The following LRRC63 variants were observed in gnomAD, a reference collection of about 807,000 sequenced individuals.
The protein encoded by LRRC63 is leucine-rich repeat-containing protein 63.
In LRRC63, 40 loss-of-function variants were observed where a neutral mutation model predicts 49.5. The ratio of observed to expected loss-of-function variants is 0.81; its 90% confidence interval spans 0.63 to 1.05. The LOEUF is 1.05. Among genes scored for constraint, LRRC63 ranks in the 50% least tolerant of loss-of-function variants. The pLI is 0.00. For missense variants in LRRC63, 636 were observed against 663.1 expected, an observed-to-expected ratio of 0.96 and a Z score of 0.45; for synonymous variants, 191 against 221.1, an observed-to-expected ratio of 0.86 and a Z score of 1.21.
intron 2 of LRRC63, among the ~76,000 whole-genome samples, chr13:46,217,050 G>A (rs1320824723): frequency 6.6e-6 from 1 of 152,166 alleles, no homozygotes; most frequent in Non-Finnish European, 1.5e-5. Flanking sequence ...GTTCATCAGG[G>A]ATATTGGCCT....
At chr13:46,251,585 C>A (rs532105551) in intron 7 of LRRC63, among the ~76,000 whole-genome samples, 55 of 151,956 alleles carry the variant, frequency 3.6e-4, no homozygotes, top group African/African-American at 1.3e-3. Flanking sequence ...GTATCCTCAT[C>A]ACCATTAGGT....
rs575248502 is a variant in LRRC63 at position 46,244,273 on chromosome 13, C to A, written c.991-2254C>A. On this transcript the variant is annotated intron_variant, in intron 5 of 9. Transcript: ENST00000595396. The stretch of plus-strand genomic sequence containing the variant: ...TGTAAGGTTCTTTTTTTTTCTTACC[C>A]TTTTCTATGGTGCTGATATTGTAAG... Among the ~76,000 whole-genome samples the A allele has an allele frequency of 8.4e-4, 128 of 151,894 alleles. 1 individual carries two copies. The highest frequency in any genetic ancestry group is 3.4e-3 in the Middle Eastern group (1 of 294).
intron 5 of LRRC63, among the ~76,000 whole-genome samples, chr13:46,241,205 A>G (rs1415463941): frequency 1.3e-5 from 2 of 152,242 alleles, no homozygotes; most frequent in Non-Finnish European, 2.9e-5. Context: ...CAAAGCTGAC[A>G]AAAACAAGCA....
chr13:46,261,485 C>T (rs2047613026), intron 7 of LRRC63, among the ~76,000 whole-genome samples: 1 of 152,186 alleles, frequency 6.6e-6, no homozygotes, highest in Admixed American at 6.5e-5. Flanking sequence ...GGGGGAGAAG[C>T]AAGGGACAGT....
chr13:46,217,983 C>T (rs1221795115), intron 2 of LRRC63, among the ~76,000 whole-genome samples: 1 of 151,944 alleles, frequency 6.6e-6, no homozygotes, highest in Non-Finnish European at 1.5e-5. Context: ...TTGTGATTTC[C>T]GTTATTTTGC....
intron 7 of LRRC63, among the ~76,000 whole-genome samples, chr13:46,251,739 A>G (rs2047389350): frequency 1.3e-5 from 2 of 151,890 alleles, no homozygotes; most frequent in African/African-American, 4.8e-5. Flanking sequence ...AGAACTATAT[A>G]TGTATAAATA....
chr13:46,238,108 C>T (rs893401427), intron 5 of LRRC63, among the ~76,000 whole-genome samples: 6 of 152,106 alleles, frequency 3.9e-5, no homozygotes, highest in Non-Finnish European at 7.4e-5. Flanking sequence ...ACATAACTAT[C>T]CTAAATATAT....
chr13:46,273,405 A>G (rs2047786092), intron 9 of LRRC63, among the ~76,000 whole-genome samples: 1 of 152,020 alleles, frequency 6.6e-6, no homozygotes, highest in Non-Finnish European at 1.5e-5. Flanking sequence ...GATCGAGACA[A>G]TCCTGGCTAA....
intron 5 of LRRC63, among the ~76,000 whole-genome samples, chr13:46,240,126 CTTTTTTTT>C (rs35181820): frequency 8.3e-6 from 1 of 120,872 alleles, no homozygotes. Flanking sequence ...CTCTCTTTTT[CTTTTTTTT>C]TTTTTTTTTT....
chr13:46,260,454 C>G (rs1259263221), intron 7 of LRRC63, among the ~76,000 whole-genome samples: 1 of 152,126 alleles, frequency 6.6e-6, no homozygotes, highest in Admixed American at 6.5e-5. Context: ...TTATGATTTA[C>G]TCAGCACTTA....
chr13:46,220,230 T>C (rs1328113669), intron 2 of LRRC63, among the ~76,000 whole-genome samples: 1 of 152,154 alleles, frequency 6.6e-6, no homozygotes, highest in African/African-American at 2.4e-5. Context: ...CCAGGTGCTC[T>C]GTACCAGGGA....
intron 5 of LRRC63, among the ~76,000 whole-genome samples, chr13:46,240,665 A>G (rs1389737107): frequency 6.6e-6 from 1 of 152,216 alleles, no homozygotes; most frequent in Non-Finnish European, 1.5e-5. Context: ...TGCCAAAATC[A>G]CAGACATTCT....
intron 4 of LRRC63, among the ~76,000 whole-genome samples, chr13:46,229,838 G>T (rs2138415682): frequency 6.6e-6 from 1 of 152,290 alleles, no homozygotes; most frequent in South Asian, 2.1e-4. Flanking sequence ...TCACAGTTCT[G>T]CAGACCTTAC....
intron 5 of LRRC63, among the ~76,000 whole-genome samples, chr13:46,241,499 G>A (rs1300285046): frequency 6.6e-6 from 1 of 152,152 alleles, no homozygotes; most frequent in Non-Finnish European, 1.5e-5. Flanking sequence ...AAGAGCATCT[G>A]CATTACAAAG....
At chr13:46,261,547 G>A (rs1566510257) in intron 7 of LRRC63, among the ~76,000 whole-genome samples, 1 of 152,130 alleles carries the variant, frequency 6.6e-6, no homozygotes, top group Non-Finnish European at 1.5e-5. Flanking sequence ...CCTTCATTTC[G>A]ACTTCTGGCG....
At chr13:46,274,565 CCT>C (rs1040934692) in intron 9 of LRRC63, among the ~76,000 whole-genome samples, 4 of 152,178 alleles carry the variant, frequency 2.6e-5, no homozygotes, top group African/African-American at 9.7e-5. Context: ...TTGCTGTCTG[CCT>C]CTCTCTGTCT....
intron 6 of LRRC63, among the ~76,000 whole-genome samples, chr13:46,247,784 G>T (rs562134639): frequency 7.2e-5 from 11 of 152,178 alleles, no homozygotes; most frequent in African/African-American, 2.4e-4. Context: ...GCAAATTGCA[G>T]TGTCCACTAA....
chr13:46,256,839 T>C (rs1196040595), intron 7 of LRRC63, among the ~76,000 whole-genome samples: 2 of 152,196 alleles, frequency 1.3e-5, no homozygotes, highest in Admixed American at 6.5e-5. Flanking sequence ...GTATTTTGCA[T>C]GTGGGATAGA....
rs2047615866 is a variant in LRRC63 at position 46,261,632 on chromosome 13, C to G, written c.1227-277C>G. Among the ~76,000 whole-genome samples, 3 of 129,358 alleles carry G rather than the reference C, an allele frequency of 2.3e-5. No homozygotes were observed. In the South Asian group the frequency reaches 6.6e-4, roughly 29 times the overall value. 84.9% of individuals were successfully genotyped at this position (129,358 alleles called of 152,430 possible). On this transcript the variant is annotated intron_variant, in intron 7 of 9. Coordinates refer to ENST00000595396, the Ensembl canonical transcript of LRRC63. ...ATGGTAATTTGTTAGGAAACTAATGCAACAACAACAACAAAAAAGTATCTT... is the reference window on the plus strand; with the variant it reads ...ATGGTAATTTGTTAGGAAACTAATGGAACAACAACAACAAAAAAGTATCTT...
Sources: allele counts gnomAD v4.1 joint callset (sites outside exome capture counted in the v4.1 genomes callset), GRCh38; gene constraint gnomAD v4.1.1; transcripts MANE v1.5; gene names NCBI Gene and HGNC (gene_info 2026-07-23, HGNC 2026-07-21).